ZSCAN12: variants seen among roughly 807,000 people sequenced by gnomAD.
ZSCAN12 encodes the protein zinc finger and SCAN domain containing 12.
A neutral mutation model predicts 23.4 loss-of-function variants in ZSCAN12; 18 were observed. The ratio of observed to expected loss-of-function variants is 0.77; its 90% CI spans 0.53 to 1.14. The LOEUF (loss-of-function observed/expected upper bound fraction) is 1.14. Among genes scored for constraint, ZSCAN12 ranks in the 50% most tolerant of loss-of-function variants. The pLI is 0.00. For missense variants in ZSCAN12, 650 were observed against 735.0 expected (o/e 0.88, Z 1.34); for synonymous variants, 186 against 253.4 (o/e 0.73, Z 2.53).
chr6:28,392,035 GTT>G (rs1228185310), intron 3 of ZSCAN12, among the ~76,000 whole-genome samples: 1 of 152,010 alleles, frequency 6.6e-6, no homozygotes, highest in East Asian at 1.9e-4. Flanking sequence ...AAAAATTTTT[GTT>G]TTTGAGCCAT....
chr6:28,382,942 A>AGCCATTT (rs1760344232), downstream of ZSCAN12, among the ~76,000 whole-genome samples: 1 of 98,544 alleles, frequency 1.0e-5, no homozygotes, highest in African/African-American at 5.4e-5. Flanking sequence ...CCATACATGC[A>AGCCATTT]ATATCCTGTA....
intron 1 of ZSCAN12, among the ~76,000 whole-genome samples, chr6:28,399,061 G>A (rs1013376557): frequency 3.3e-5 from 5 of 152,092 alleles, no homozygotes; most frequent in Non-Finnish European, 5.9e-5. Flanking sequence ...AAAGACAAAT[G>A]GAATAAAACT....
Position 28,391,824 on chromosome 6 carries a change from TA to T in ZSCAN12, c.548-83del, listed in dbSNP as rs1760854942. The T allele has an allele frequency of 8.3e-7, 1 of 1,201,640 alleles. No homozygotes were observed. The highest frequency in any genetic ancestry group is 1.7e-5 in the South Asian group (1 of 58,866). 74.4% of individuals were successfully genotyped at this position (1,201,640 alleles called of 1,614,324 possible). On this transcript the variant is annotated intron_variant, in intron 3 of 3. Transcript: ENST00000684592. The surrounding 1 kb of genome is among the most constrained non-coding windows in gnomAD (Gnocchi z 4.1). ...TTAATATTAAGCAGCTGTTTAGAAATAAAAAATGCAAGAGTCTACCATCTTA... is the reference window on the plus strand; with the variant it reads ...TTAATATTAAGCAGCTGTTTAGAAATAAAAATGCAAGAGTCTACCATCTTA...
intron 3 of ZSCAN12, 32 bp downstream of exon 3, chr6:28,392,870 C>G: frequency 1.9e-6 from 3 of 1,550,284 alleles, no homozygotes; most frequent in Non-Finnish European, 2.6e-6. Flanking sequence ...CCCATCTTCC[C>G]CTTCCTCCCA....
chr6:28,382,358 AC>A (rs2113956682), downstream of ZSCAN12: 1 of 1,346,210 alleles, frequency 7.4e-7, no homozygotes, highest in African/African-American at 1.5e-5. Context: ...AAGTCTTCTG[AC>A]AGCTCTGTAA....
chr6:28,382,212 T>C, downstream of ZSCAN12: 3 of 301,350 alleles, frequency 1.0e-5, no homozygotes, highest in Non-Finnish European at 1.8e-5. Context: ...GCTTCACAAG[T>C]AGGGGCCAGG....
At position 28,386,630 on chromosome 6, in the gene ZSCAN12, C is replaced by A. The variant is rs927052059; in HGVS notation, c.*3824G>T. 2.6e-5 allele frequency among the ~76,000 whole-genome samples: 4 copies of A among 152,228 alleles called. No homozygotes were observed. The highest frequency in any genetic ancestry group is 9.7e-5 in the African/African-American group (4 of 41,450). On this transcript the variant is annotated 3_prime_UTR_variant, in exon 4 of 4. Transcript: ENST00000684592. ...CACATCCTCCATTTGCCCCTCAGGG[C>A]CTTCAATTTGCCTATATTGCCAATT...
In ZSCAN12 at chr6:28,388,017, A is replaced by G. The variant is rs1013044184; in HGVS notation, c.*2437T>C. On this transcript the variant is annotated 3_prime_UTR_variant, in exon 4 of 4. Coordinates refer to ENST00000684592, the MANE Select transcript of ZSCAN12 (RefSeq NM_001163391.2). ...CCCGAGTTTTGGCTTTGGAGCCGCAAGCAGCTGAACCTTGGTTTGGTTACA... is the reference window on the plus strand; with the variant it reads ...CCCGAGTTTTGGCTTTGGAGCCGCAGGCAGCTGAACCTTGGTTTGGTTACA... 6.6e-6 allele frequency among the ~76,000 whole-genome samples: 1 copy of G among 152,188 alleles called. No homozygotes were observed. Among genetic ancestry groups the G allele is most frequent in the Non-Finnish European group, 1.5e-5 (1 of 68,034 alleles).
rs1760655677 is a variant in ZSCAN12 at position 28,388,468 on chromosome 6, G to C, written c.*1986C>G. Among the ~76,000 whole-genome samples the C allele has an allele frequency of 6.6e-6, 1 of 152,112 alleles. No individual in the cohort carries two copies. The highest frequency in any genetic ancestry group is 1.5e-5 in the Non-Finnish European group (1 of 68,016). ...TAGCTAGAAACATAATATTCCTATA[G>C]GACCAGAGACGCTTCTAGTTCCAAC... is the stretch of plus-strand genomic sequence containing the variant. On this transcript the variant is annotated 3_prime_UTR_variant, in exon 4 of 4. Transcript: ENST00000684592.
rs1206418068 is a variant in ZSCAN12 at position 28,389,462 on chromosome 6, G to A, written c.*992C>T. Reference sequence around the variant, plus strand: ...GACTGTGTTCAGGCTTCCCCACTTCGCAGACAGCCATGAAGTCAGCTGTCA... The same window carrying A: ...GACTGTGTTCAGGCTTCCCCACTTCACAGACAGCCATGAAGTCAGCTGTCA... On this transcript the variant is annotated 3_prime_UTR_variant, in exon 4 of 4. Coordinates refer to ENST00000684592, the MANE Select transcript of ZSCAN12 (RefSeq NM_001163391.2). Among the ~76,000 whole-genome samples, 2 of 152,104 alleles carry A rather than the reference G, an allele frequency of 1.3e-5. No homozygotes were observed. The highest frequency in any genetic ancestry group is 1.9e-4 in the East Asian group (1 of 5,196).
chr6:28,396,061 C>G (rs552216701), intron 2 of ZSCAN12, among the ~76,000 whole-genome samples: 1 of 149,844 alleles, frequency 6.7e-6, no homozygotes, highest in South Asian at 2.1e-4. Flanking sequence ...ACTGTGTCGC[C>G]CAGGCTGGAG....
In ZSCAN12 at chr6:28,387,801, C is replaced by T. The variant is rs1172948056; in HGVS notation, c.*2653G>A. Among the ~76,000 whole-genome samples, 4 of 152,152 alleles carry T rather than the reference C, an allele frequency of 2.6e-5. No homozygotes were observed. The highest frequency in any genetic ancestry group is 4.8e-5 in the African/African-American group (2 of 41,418). ...AACCTCCTTGGACTCTTGCTGGCGC[C>T]CAGATGTCTGTGGTCATAGGTCACC... is the stretch of plus-strand genomic sequence containing the variant. On this transcript the variant is annotated 3_prime_UTR_variant, in exon 4 of 4. Transcript: ENST00000684592.
At position 28,387,687 on chromosome 6, in the gene ZSCAN12, C is replaced by T. The variant is rs1490144609; in HGVS notation, c.*2767G>A. On this transcript the variant is annotated 3_prime_UTR_variant, in exon 4 of 4. Transcript: ENST00000684592. The stretch of plus-strand genomic sequence containing the variant: ...GCAATCATGTAGTTTTAAAAACTAA[C>T]TCTGGGATTAAAGAAGTATGTATAA... Among the ~76,000 whole-genome samples the T allele has an allele frequency of 2.0e-5, 3 of 152,142 alleles. No individual in the cohort carries two copies. The highest frequency in any genetic ancestry group is 1.3e-4 in the Admixed American group (2 of 15,274).
At position 28,388,644 on chromosome 6, in the gene ZSCAN12, A is replaced by G. The variant is rs1328710252; in HGVS notation, c.*1810T>C. On this transcript the variant is annotated 3_prime_UTR_variant, in exon 4 of 4. Transcript: ENST00000684592. Reference sequence around the variant, plus strand: ...AGAAAGGTAATTAGGAGTGGGACTTACTAAGGAAGAATGCAGATTACCCTT... The same window carrying G: ...AGAAAGGTAATTAGGAGTGGGACTTGCTAAGGAAGAATGCAGATTACCCTT... Among the ~76,000 whole-genome samples the G allele has an allele frequency of 2.0e-5, 3 of 152,164 alleles. No homozygotes were observed. The highest frequency in any genetic ancestry group is 4.4e-5 in the Non-Finnish European group (3 of 68,024).
rs924129366 is a variant in ZSCAN12 at position 28,387,726 on chromosome 6, T to C, written c.*2728A>G. ...AAGTATGTATAACAATTATGTTTTGTTGAAGATTTGCAGGAGCATTGTGAC... is the reference window on the plus strand; with the variant it reads ...AAGTATGTATAACAATTATGTTTTGCTGAAGATTTGCAGGAGCATTGTGAC... On this transcript the variant is annotated 3_prime_UTR_variant, in exon 4 of 4. Transcript: ENST00000684592. Among the ~76,000 whole-genome samples, 7 of 152,230 alleles carry C rather than the reference T, an allele frequency of 4.6e-5. No homozygotes were observed. The highest frequency in any genetic ancestry group is 1.7e-4 in the African/African-American group (7 of 41,474).
At chr6:28,394,309 C>T (rs1292633007) in intron 2 of ZSCAN12, among the ~76,000 whole-genome samples, 2 of 152,146 alleles carry the variant, frequency 1.3e-5, no homozygotes, top group Non-Finnish European at 1.5e-5. Context: ...TATAAACCAC[C>T]TTGCACAGGG....
intron 2 of ZSCAN12, among the ~76,000 whole-genome samples, chr6:28,393,986 T>C (rs1207027205): frequency 6.6e-6 from 1 of 152,208 alleles, no homozygotes; most frequent in Non-Finnish European, 1.5e-5. Context: ...CTCCATTTCT[T>C]CTATCTTAGG....
downstream of ZSCAN12, chr6:28,381,296 T>A (rs1400941447): frequency 2.6e-5 from 4 of 152,212 alleles, no homozygotes; most frequent in Non-Finnish European, 5.9e-5. Flanking sequence ...ACCTACAGAA[T>A]GTTCAATAAA....
downstream of ZSCAN12, chr6:28,382,503 T>C (rs1408842424): frequency 1.5e-5 from 23 of 1,551,890 alleles, no homozygotes; most frequent in Non-Finnish European, 2.0e-5. Context: ...AGATCTCTCC[T>C]GAAACAAGAT....
Sources: allele counts gnomAD v4.1 joint callset (sites outside exome capture counted in the v4.1 genomes callset), GRCh38; gene constraint gnomAD v4.1.1; non-coding constraint Gnocchi (gnomAD v3.1); transcripts MANE v1.5; gene names NCBI Gene and HGNC (gene_info 2026-07-23, HGNC 2026-07-21).